The following C5 variants were observed in gnomAD, a reference collection of about 807,000 sequenced individuals.
The protein encoded by C5 is C3 and PZP-like alpha-2-macroglobulin domain-containing protein 4.
C5 carries 140 observed loss-of-function variants against 218.8 expected under a neutral mutation model. The observed-to-expected ratio is 0.64, with a 90% CI of 0.56 to 0.74. The LOEUF is 0.74. Ranked by LOEUF, C5 falls within the 30% of genes least tolerant of loss-of-function variation. C5 has a pLI of 0.00. For synonymous variants in C5, 614 were observed against 682.3 expected, an observed-to-expected ratio of 0.90 and a Z score of 1.56; for missense variants, 1,700 against 1,969.6, an observed-to-expected ratio of 0.86 and a Z score of 2.59.
chr9:121,016,418 A>T (rs775548054), intron 14 of C5, 35 bp from the exon 15 acceptor site: 6 of 1,613,022 alleles, frequency 3.7e-6, no homozygotes, highest in Middle Eastern at 3.3e-4. Context: ...GCACATTGAG[A>T]TGTATAAATC....
the C5 span, among the ~76,000 whole-genome samples, chr9:121,057,628 T>C: frequency 6.6e-6 from 1 of 151,870 alleles, no homozygotes; most frequent in Non-Finnish European, 1.5e-5. Flanking sequence ...CTATAATTGC[T>C]ACACAAAAAA....
chr9:121,052,784 GATA>G (rs2047679139), upstream of C5, among the ~76,000 whole-genome samples: 1 of 152,032 alleles, frequency 6.6e-6, no homozygotes, highest in Non-Finnish European at 1.5e-5. Flanking sequence ...CTCCTAGCAG[GATA>G]ATAATTTTGT....
intron 1 of C5, among the ~76,000 whole-genome samples, chr9:121,047,351 T>C (rs2047636425): frequency 6.6e-6 from 1 of 152,210 alleles, no homozygotes; most frequent in African/African-American, 2.4e-5. Context: ...TTTCATGTGA[T>C]TTATACAATA....
chr9:120,955,434 C>G (rs1019335172), intron 39 of C5, among the ~76,000 whole-genome samples: 27 of 151,992 alleles, frequency 1.8e-4, no homozygotes, highest in African/African-American at 4.6e-4. Context: ...GAATCAGTAT[C>G]AAATAAAACA....
At chr9:121,033,543 A>G (rs1187768023) in intron 5 of C5, among the ~76,000 whole-genome samples, 1 of 152,272 alleles carries the variant, frequency 6.6e-6, no homozygotes, top group Admixed American at 6.5e-5. Context: ...GACATGCCAG[A>G]CCATGGCTAG....
chr9:121,035,150 C>CT (rs41308004), intron 4 of C5, among the ~76,000 whole-genome samples: 113,750 of 151,938 alleles, frequency 0.75, 42,964 homozygotes, highest in East Asian at 0.96. Context: ...ACTCAACTCT[C>CT]GTTGTACATC....
At chr9:121,013,318 G>GAAAA (rs138938912) in intron 17 of C5, among the ~76,000 whole-genome samples, 2 of 99,250 alleles carry the variant, frequency 2.0e-5, no homozygotes, top group African/African-American at 3.5e-5. Flanking sequence ...GATTCCTACT[G>GAAAA]AAAAAAAAAA....
In C5 at chr9:121,046,198, A is replaced by T; in HGVS notation, c.251T>A (p.Ile84Asn). 2.6e-6 allele frequency: 4 copies of T among 1,560,668 alleles called. No individual in the cohort carries two copies. The highest frequency in any genetic ancestry group is 3.5e-6 in the Non-Finnish European group (4 of 1,134,770). Residue 84 changes from isoleucine to asparagine, a missense_variant, in exon 2 of 41, where the codon ATC becomes AAC. Transcript: ENST00000223642. ...SSENKFQNSA[I>N]LTIQPKQLPG... ...TAAAGGATAAATACATACTGTTAAG[A>T]TTGCAGAGTTTTGGAATTTATTCTC...
At position 121,017,275 on chromosome 9, in the gene C5, G is replaced by A. The variant is rs538654794; in HGVS notation, c.1866+87C>T. 2.9e-4 allele frequency: 426 copies of A among 1,484,652 alleles called. 1 individual carries two copies. The highest frequency in any genetic ancestry group is 3.5e-4 in the Non-Finnish European group (379 of 1,071,808). The allele number at this position is 1,484,652 out of a possible 1,614,324, so 92.0% of individuals were successfully genotyped here. A position where few individuals can be genotyped will look rare whatever the true frequency, so the allele number is the denominator to read the frequency against. On this transcript the variant is annotated intron_variant, in intron 14 of 40. Coordinates refer to ENST00000223642, the MANE Select transcript of C5 (RefSeq NM_001735.3). ...TGTTGAGTAGATTACAGAAAAGCAGGCCTAGTCTTCCCTTAGTTCTTCCTC... is the reference window on the plus strand; with the variant it reads ...TGTTGAGTAGATTACAGAAAAGCAGACCTAGTCTTCCCTTAGTTCTTCCTC...
rs753786911 is a variant in C5, at chr9:120,952,475, A to C, written c.*264T>G. The C allele has an allele frequency of 5.1e-6, 2 of 390,470 alleles. No homozygotes were observed. The highest frequency in any genetic ancestry group is 9.7e-6 in the Non-Finnish European group (2 of 205,258). The allele number at this position is 390,470 out of a possible 1,614,324, so 24.2% of individuals were successfully genotyped here. On this transcript the variant is annotated 3_prime_UTR_variant, in exon 41 of 41. Transcript: ENST00000223642. ...CAAACATTCCTGAGTGGTAGGTTTG[A>C]GGAGGTGTTCCAATTTATTGTTTCC...
At chr9:120,988,399 G>A (rs931448721) in intron 25 of C5, among the ~76,000 whole-genome samples, 15 of 152,266 alleles carry the variant, frequency 9.9e-5, no homozygotes, top group Middle Eastern at 3.4e-3. Flanking sequence ...TATAGCAGAG[G>A]CCTCCCCAAG....
In C5 at chr9:120,973,175, TA is replaced by T. The variant is rs2046927633; in HGVS notation, c.4018-1184del. Among the ~76,000 whole-genome samples the T allele has an allele frequency of 1.9e-4, 29 of 152,182 alleles. 1 individual carries two copies. ...CTGGAGTAGAAAATTCCACACTGGA[TA>T]ATAACAGCCCAGGTTTTACATGGAA... is the stretch of plus-strand genomic sequence containing the variant. On this transcript the variant is annotated intron_variant, in intron 30 of 40. Transcript: ENST00000223642.
At chr9:121,045,067 A>G (rs2047615717) in intron 2 of C5, among the ~76,000 whole-genome samples, 1 of 150,672 alleles carries the variant, frequency 6.6e-6, no homozygotes, top group Admixed American at 6.7e-5. Flanking sequence ...CTCCTGCCTC[A>G]GTCTCCCGAG....
At chr9:120,974,278 A>G (rs536635818) in intron 30 of C5, among the ~76,000 whole-genome samples, 1 of 151,978 alleles carries the variant, frequency 6.6e-6, no homozygotes, top group Non-Finnish European at 1.5e-5. Context: ...CTAAAGGCCA[A>G]CTCCAACCTG....
At chr9:121,031,818 C>A (rs1359046236) in intron 6 of C5, among the ~76,000 whole-genome samples, 2 of 152,176 alleles carry the variant, frequency 1.3e-5, no homozygotes, top group Non-Finnish European at 2.9e-5. Context: ...GTAATCCCAG[C>A]ACTTTGGGAG....
In C5 at chr9:120,974,853, C is replaced by T; in HGVS notation, c.3943G>A (p.Val1315Ile). The change falls in exon 30 of 41, where the codon GTT becomes ATT. Residue 1315 changes from valine (V) to isoleucine (I), a missense_variant. Val to Ile is a conservative substitution (Grantham distance 29). Transcript: ENST00000223642. ...AAGGCACCTTTATGCTTGTAAGAAA[C>T]ATCGATGTCCATACTCAAGCGGAGT... ...KQLRLSMDID[V>I]SYKHKGALHN... The T allele has an allele frequency of 6.2e-6, 10 of 1,613,978 alleles. No individual in the cohort carries two copies. Among genetic ancestry groups the T allele is most frequent in the Non-Finnish European group, 8.5e-6 (10 of 1,179,828 alleles).
intron 39 of C5, 39 bp downstream of exon 39, chr9:120,957,246 T>C: frequency 7.5e-7 from 1 of 1,335,266 alleles, no homozygotes; most frequent in East Asian, 2.3e-5. Flanking sequence ...TACTAAATAG[T>C]TGCTGAATGA....
At chr9:121,011,773 A>C (rs553080279) in intron 17 of C5, among the ~76,000 whole-genome samples, 4 of 152,248 alleles carry the variant, frequency 2.6e-5, no homozygotes, top group African/African-American at 9.6e-5. Context: ...GTGCATATAC[A>C]CAATGGAGTA....
rs1352116152 is a variant in C5, at chr9:121,021,592, T to C, written c.1219A>G (p.Ser407Gly). 6 of 1,613,968 alleles carry C rather than the reference T, an allele frequency of 3.7e-6. No homozygotes were observed. The highest frequency in any genetic ancestry group is 5.1e-6 in the Non-Finnish European group (6 of 1,179,870). The part of the protein sequence containing the change: ...VNQETSDLDP[S>G]KSVTRVDDGV... ...TCATCAACACGTGTTACACTTTTGC[T>C]TGGATCCAAGTCAGATGTCTCTTGG... is the stretch of plus-strand genomic sequence containing the variant. The change falls in exon 11 of 41, where the codon AGC (serine) becomes GGC (glycine). Residue 407 changes from serine to glycine, a missense_variant. Coordinates refer to ENST00000223642, the MANE Select transcript of C5 (RefSeq NM_001735.3).
Sources: allele counts gnomAD v4.1 joint callset (sites outside exome capture counted in the v4.1 genomes callset), GRCh38; gene constraint gnomAD v4.1.1; transcripts MANE v1.5; gene names NCBI Gene and HGNC (gene_info 2026-07-23, HGNC 2026-07-21).